NCOA1: variants seen among roughly 807,000 people sequenced by gnomAD.
NCOA1 encodes the protein nuclear receptor coactivator 1.
Under a neutral mutation model 150.9 loss-of-function variants are expected in NCOA1, and 35 were observed. The ratio of observed to expected loss-of-function variants is 0.23; its 90% confidence interval spans 0.18 to 0.31. The LOEUF (loss-of-function observed/expected upper bound fraction) is 0.31. NCOA1 is among the 10% of genes least tolerant of loss of function. NCOA1 has a pLI of 1.00. For synonymous variants in NCOA1, 590 were observed against 630.0 expected, an observed-to-expected ratio of 0.94 and a Z score of 0.95; for missense variants, 1,491 against 1,749.3, an observed-to-expected ratio of 0.85 and a Z score of 2.63.
At chr2:24,613,427 A>G (rs951837862) in intron 3 of NCOA1, among the ~76,000 whole-genome samples, 1 of 152,172 alleles carries the variant, frequency 6.6e-6, no homozygotes, top group Non-Finnish European at 1.5e-5. Context: ...CAGGCCACCT[A>G]CAGTCCCCTG....
chr2:24,665,618 A>T, intron 5 of NCOA1, 131 bp from the exon 6 acceptor site: 1 of 747,184 alleles, frequency 1.3e-6, no homozygotes, highest in Non-Finnish European at 1.9e-6. Flanking sequence ...AATTTATATC[A>T]CTTTCTAAAT....
At chr2:24,561,526 A>C (rs546349833) in intron 1 of NCOA1, among the ~76,000 whole-genome samples, 30 of 152,322 alleles carry the variant, frequency 2.0e-4, no homozygotes, top group African/African-American at 6.7e-4. Context: ...ATTGTGAAGG[A>C]CAAGGTTTCA....
chr2:24,641,624 A>G (rs1275503596), intron 3 of NCOA1, among the ~76,000 whole-genome samples: 2 of 152,158 alleles, frequency 1.3e-5, no homozygotes, highest in African/African-American at 4.8e-5. Context: ...TGGATGTAGA[A>G]TTGTGGGTTG....
rs181347257 is a variant in NCOA1, at chr2:24,712,104, G to T, written c.2599+993G>T. Reference sequence around the variant, plus strand: ...ATTTTAGCTGACCAGAGTATTAGAGGAAGAGTCAGAAGCCTAGATTCAAAT... The same window carrying T: ...ATTTTAGCTGACCAGAGTATTAGAGTAAGAGTCAGAAGCCTAGATTCAAAT... On this transcript the variant is annotated intron_variant, in intron 14 of 22. Transcript: ENST00000348332. Among the ~76,000 whole-genome samples, 421 of 152,268 alleles carry T rather than the reference G, an allele frequency of 2.8e-3. 2 individuals are homozygous for T. Among genetic ancestry groups the T allele is most frequent in the African/African-American group, 9.8e-3 (407 of 41,544 alleles).
intron 1 of NCOA1, among the ~76,000 whole-genome samples, chr2:24,538,283 G>C (rs1185025227): frequency 1.3e-5 from 2 of 152,206 alleles, no homozygotes; most frequent in Non-Finnish European, 2.9e-5. Flanking sequence ...AGTCTTGGCA[G>C]AATGCTCATA....
At chr2:24,717,701 CAA>C (rs989772955) in intron 14 of NCOA1, among the ~76,000 whole-genome samples, 7 of 152,094 alleles carry the variant, frequency 4.6e-5, no homozygotes, top group African/African-American at 1.7e-4. Context: ...ATGTACAACA[CAA>C]AGAGTGAACT....
intron 3 of NCOA1, among the ~76,000 whole-genome samples, chr2:24,633,234 A>T (rs7567564): frequency 0.2 from 30,466 of 151,588 alleles, 3,263 homozygotes; most frequent in Non-Finnish European, 0.24. Context: ...TGGGATATTT[A>T]AAAAAAAACA....
At chr2:24,651,288 A>G (rs554858030) in intron 4 of NCOA1, among the ~76,000 whole-genome samples, 3 of 152,270 alleles carry the variant, frequency 2.0e-5, no homozygotes, top group East Asian at 3.9e-4. Flanking sequence ...TAGCTGAGAC[A>G]TGGAAACAAC....
chr2:24,528,298 C>T (rs1447863678), intron 1 of NCOA1, among the ~76,000 whole-genome samples: 1 of 149,778 alleles, frequency 6.7e-6, no homozygotes, highest in African/African-American at 2.4e-5. Flanking sequence ...TCAGGTCTTA[C>T]ATTTGAATTA....
intron 6 of NCOA1, among the ~76,000 whole-genome samples, chr2:24,672,771 C>T (rs1478048617): frequency 6.6e-6 from 1 of 152,136 alleles, no homozygotes; most frequent in Non-Finnish European, 1.5e-5. Flanking sequence ...TTTTGGTTAA[C>T]TAGTCTGACA....
At chr2:24,703,961 G>T (rs551992416) in intron 11 of NCOA1, among the ~76,000 whole-genome samples, 1 of 152,132 alleles carries the variant, frequency 6.6e-6, no homozygotes, top group Non-Finnish European at 1.5e-5. Context: ...TAAAACATCA[G>T]TGATATTTTA....
chr2:24,494,015 T>C (rs543292060), intron 1 of NCOA1, among the ~76,000 whole-genome samples: 1 of 152,342 alleles, frequency 6.6e-6, no homozygotes, highest in South Asian at 2.1e-4. Context: ...ATGCTTTTAC[T>C]CTATAGGGAA....
At chr2:24,753,778 G>T (rs1410566123) in intron 20 of NCOA1, among the ~76,000 whole-genome samples, 1 of 151,948 alleles carries the variant, frequency 6.6e-6, no homozygotes, top group Non-Finnish European at 1.5e-5. Flanking sequence ...CCCTCCTTTG[G>T]TTGCATCACC....
intron 3 of NCOA1, among the ~76,000 whole-genome samples, chr2:24,642,588 G>A (rs1172764417): frequency 6.6e-6 from 1 of 152,024 alleles, no homozygotes; most frequent in Non-Finnish European, 1.5e-5. Context: ...ATTACTGGCT[G>A]GTAAACATAC....
chr2:24,502,535 A>C (rs988505513), intron 1 of NCOA1, among the ~76,000 whole-genome samples: 2 of 152,314 alleles, frequency 1.3e-5, no homozygotes. Flanking sequence ...TTTGCTCAGA[A>C]ACCTTCAGTG....
intron 1 of NCOA1, among the ~76,000 whole-genome samples, chr2:24,492,591 G>A (rs1663024794): frequency 6.6e-6 from 1 of 152,186 alleles, no homozygotes; most frequent in South Asian, 2.1e-4. Context: ...CTTTAAGCTG[G>A]AGGATCTGTT....
At chr2:24,502,320 T>G (rs1057373018) in intron 1 of NCOA1, among the ~76,000 whole-genome samples, 2 of 152,200 alleles carry the variant, frequency 1.3e-5, no homozygotes, top group African/African-American at 2.4e-5. Flanking sequence ...AAAAACACTT[T>G]GCAAGTTTTG....
chr2:24,699,848 G>A (rs961385116), intron 11 of NCOA1, among the ~76,000 whole-genome samples: 1 of 152,136 alleles, frequency 6.6e-6, no homozygotes, highest in Admixed American at 6.5e-5. Flanking sequence ...AAACCTTAAA[G>A]CTAATGCTTA....
Position 24,547,494 on chromosome 2 carries a change from AT to A in NCOA1, c.-395-16794del, listed in dbSNP as rs35451034. 7.9e-5 allele frequency among the ~76,000 whole-genome samples: 12 copies of A among 152,252 alleles called. No homozygotes were observed. In the East Asian group the frequency reaches 2.1e-3, roughly 27 times the overall value. The stretch of plus-strand genomic sequence containing the variant: ...CTGGAGGGCTTACTGACGTGTCCAT[AT>A]TTTTTTAAACCCTGATAAACTATGT... On this transcript the variant is annotated intron_variant, in intron 1 of 22. Transcript: ENST00000348332.
Sources: gnomAD v4.1 joint callset for allele counts (sites outside exome capture counted in the v4.1 genomes callset) on GRCh38, gnomAD v4.1.1 for gene constraint, MANE v1.5 for transcripts, NCBI Gene and HGNC (gene_info 2026-07-23, HGNC 2026-07-21) for gene names.